Variants in SRBD1 observed in about 807,000 individuals in gnomAD.
SRBD1 encodes the protein S1 RNA-binding domain-containing protein 1.
SRBD1 carries 88 observed loss-of-function variants against 115.3 expected under a neutral mutation model. That is an observed-to-expected ratio of 0.76 (90% CI 0.64 to 0.91). The LOEUF (loss-of-function observed/expected upper bound fraction) is 0.91, where lower values mean the gene tolerates loss of function less well. SRBD1 is among the 40% of genes least tolerant of loss of function. The pLI is 0.00. For synonymous variants in SRBD1, 509 were observed against 407.7 expected, an observed-to-expected ratio of 1.25 and a Z score of -2.99; for missense variants, 1,385 against 1,177.4, an observed-to-expected ratio of 1.18 and a Z score of -2.58.
chr2:45,501,906 T>C (rs2103895970), intron 14 of SRBD1, among the ~76,000 whole-genome samples: 1 of 152,300 alleles, frequency 6.6e-6, no homozygotes, highest in Non-Finnish European at 1.5e-5. Flanking sequence ...CTCTGCAGAC[T>C]CAAATGTCCC....
chr2:45,529,537 C>G (rs1269716629), intron 14 of SRBD1, among the ~76,000 whole-genome samples: 4 of 151,600 alleles, frequency 2.6e-5, no homozygotes, highest in African/African-American at 9.7e-5. Flanking sequence ...CTTTCTGCAC[C>G]CAATAAAAAT....
intron 16 of SRBD1, among the ~76,000 whole-genome samples, chr2:45,467,420 T>C (rs1669523547): frequency 6.6e-6 from 1 of 152,208 alleles, no homozygotes; most frequent in African/African-American, 2.4e-5. Context: ...CGATAAATGC[T>C]AGTTAAATGA....
intron 16 of SRBD1, among the ~76,000 whole-genome samples, chr2:45,432,003 G>GTATTTATTTATTTATTTATTTATT (rs3047186): frequency 4.9e-5 from 7 of 142,872 alleles, no homozygotes; most frequent in African/African-American, 1.0e-4. Flanking sequence ...AGAGTTAAAA[G>GTATTTATTTATTTATTTATTTATT]TATTTATTTA....
At chr2:45,611,050 T>A (rs984604305) in intron 1 of SRBD1, among the ~76,000 whole-genome samples, 169 bp downstream of exon 1, 14 of 152,256 alleles carry the variant, frequency 9.2e-5, no homozygotes, top group Middle Eastern at 6.8e-3. Context: ...TGGTCGGTTG[T>A]GAGAGACCGC....
chr2:45,406,385 G>C (rs1457786821), intron 19 of SRBD1, among the ~76,000 whole-genome samples: 1 of 152,192 alleles, frequency 6.6e-6, no homozygotes, highest in African/African-American at 2.4e-5. Context: ...AAGGAATTTA[G>C]AATAGAATGG....
At chr2:45,405,626 T>C (rs952282911) in intron 19 of SRBD1, among the ~76,000 whole-genome samples, 3 of 151,810 alleles carry the variant, frequency 2.0e-5, no homozygotes, top group African/African-American at 7.3e-5. Flanking sequence ...GTAGAAAAAA[T>C]GATGAAGGTC....
chr2:45,408,611 T>G (rs1386121442), intron 19 of SRBD1, among the ~76,000 whole-genome samples: 1 of 152,206 alleles, frequency 6.6e-6, no homozygotes, highest in Non-Finnish European at 1.5e-5. Context: ...TTCAAGATTT[T>G]TCAGGTTTGA....
At chr2:45,477,424 TCA>T (rs1341687189) in intron 15 of SRBD1, among the ~76,000 whole-genome samples, 4 of 152,240 alleles carry the variant, frequency 2.6e-5, no homozygotes, top group African/African-American at 7.2e-5. Flanking sequence ...ACCTCATGCT[TCA>T]CAGAGGAAGC....
chr2:45,547,617 A>G lies in SRBD1; in HGVS notation c.1676-5T>C. 1.2e-6 allele frequency: 2 copies of G among 1,603,292 alleles called. No homozygotes were observed. The highest frequency in any genetic ancestry group is 1.7e-6 in the Non-Finnish European group (2 of 1,176,064). ...CATCAGTATGAAGTATCTGACCTTT[A>G]AAAAATGAAAAGAATAAGCCATTTT... On this transcript the variant is annotated splice_polypyrimidine_tract_variant and splice_region_variant and intron_variant, in intron 12 of 20. Transcript: ENST00000263736.
intron 14 of SRBD1, among the ~76,000 whole-genome samples, chr2:45,503,505 T>C (rs1234447815): frequency 6.6e-6 from 1 of 152,216 alleles, no homozygotes; most frequent in Non-Finnish European, 1.5e-5. Flanking sequence ...TAAAAATACA[T>C]TTGATTTATC....
intron 19 of SRBD1, among the ~76,000 whole-genome samples, chr2:45,401,050 G>A (rs1315220733): frequency 1.3e-5 from 2 of 152,166 alleles, no homozygotes; most frequent in Non-Finnish European, 2.9e-5. Flanking sequence ...TAATTCTCAA[G>A]TGGGTGAATT....
At chr2:45,488,153 CTT>C in intron 15 of SRBD1, 85 bp downstream of exon 15, 1 of 1,162,298 alleles carries the variant, frequency 8.6e-7, no homozygotes, top group Non-Finnish European at 1.3e-6. Context: ...TTTAAATTTT[CTT>C]TGATATTTAG....
chr2:45,394,486 G>A (rs1273844895), intron 19 of SRBD1, among the ~76,000 whole-genome samples: 1 of 152,060 alleles, frequency 6.6e-6, no homozygotes, highest in African/African-American at 2.4e-5. Context: ...GGATACCTCT[G>A]GAATACAAAA....
chr2:45,532,454 C>T (rs1671642277), intron 14 of SRBD1, among the ~76,000 whole-genome samples: 1 of 151,738 alleles, frequency 6.6e-6, no homozygotes, highest in African/African-American at 2.4e-5. Flanking sequence ...CTGTAGGTAC[C>T]TGATGAAATA....
At chr2:45,494,368 T>C (rs146865017) in intron 14 of SRBD1, among the ~76,000 whole-genome samples, 1,896 of 152,200 alleles carry the variant, frequency 0.012, 23 homozygotes, top group Non-Finnish European at 0.016. Flanking sequence ...TCATATCAGA[T>C]AATGGCCAAC....
intron 16 of SRBD1, among the ~76,000 whole-genome samples, chr2:45,438,369 C>A (rs1022959959): frequency 6.6e-6 from 1 of 152,150 alleles, no homozygotes. Flanking sequence ...AAAATGCAGG[C>A]ACATGTGACC....
At chr2:45,600,050 C>A (rs1208160381) in intron 3 of SRBD1, among the ~76,000 whole-genome samples, 1 of 152,020 alleles carries the variant, frequency 6.6e-6, no homozygotes, top group Non-Finnish European at 1.5e-5. Context: ...TAGAGGTTGG[C>A]AAGGGTCAGA....
chr2:45,540,448 T>C (rs1341711039), intron 14 of SRBD1, among the ~76,000 whole-genome samples: 1 of 149,978 alleles, frequency 6.7e-6, no homozygotes, highest in Non-Finnish European at 1.5e-5. Context: ...CAGAAGAAAA[T>C]CACAGTAACC....
chr2:45,597,583 G>GCAGCAGAAATTGGTGATTATAAGA (rs1673943033), intron 4 of SRBD1, among the ~76,000 whole-genome samples: 1 of 152,164 alleles, frequency 6.6e-6, no homozygotes, highest in Non-Finnish European at 1.5e-5. Flanking sequence ...AAACAGAGAA[G>GCAGCAGAAATTGGTGATTATAAGA]CAGCAGAAAT....
Sources: allele counts gnomAD v4.1 joint callset (sites outside exome capture counted in the v4.1 genomes callset), GRCh38; gene constraint gnomAD v4.1.1; transcripts MANE v1.5; gene names NCBI Gene and HGNC (gene_info 2026-07-23, HGNC 2026-07-21).